PMVK: variants seen among roughly 807,000 people sequenced by gnomAD.
PMVK encodes the protein testis tissue sperm-binding protein Li 95mP.
PMVK carries 10 observed loss-of-function variants against 19.0 expected under a neutral mutation model. That is an observed-to-expected ratio of 0.53 (90% CI 0.32 to 0.89). The LOEUF is 0.89. PMVK is among the 40% of genes least tolerant of loss of function. The probability of loss-of-function intolerance (pLI) is 0.03; values close to 1 mark genes in which losing one functional copy is unlikely to be tolerated. For missense variants in PMVK, 222 were observed against 251.1 expected, an observed-to-expected ratio of 0.88 and a Z score of 0.78; for synonymous variants, 108 against 101.6, an observed-to-expected ratio of 1.06 and a Z score of -0.38.
chr1:154,934,705 C>G (rs953301099), intron 1 of PMVK, among the ~76,000 whole-genome samples: 1 of 152,146 alleles, frequency 6.6e-6, no homozygotes, highest in African/African-American at 2.4e-5. Flanking sequence ...GCCCTTCACA[C>G]ACATTATCTC....
At chr1:154,926,292 G>A in intron 4 of PMVK, 62 bp downstream of exon 4, 1 of 1,540,248 alleles carries the variant, frequency 6.5e-7, no homozygotes, top group Non-Finnish European at 8.9e-7. Context: ...GGCCTGCCCG[G>A]TAGACAAACC....
At chr1:154,939,183 C>T (rs1439869181), upstream of PMVK, among the ~76,000 whole-genome samples, 1 of 152,174 alleles carries the variant, frequency 6.6e-6, no homozygotes, top group Non-Finnish European at 1.5e-5. Flanking sequence ...CCCTCTCCTC[C>T]TCAGAGGCCA....
intron 4 of PMVK, 62 bp from the exon 5 acceptor site, chr1:154,925,327 C>A (rs1654116765): frequency 1.3e-6 from 2 of 1,573,178 alleles, no homozygotes; most frequent in South Asian, 2.2e-5. Flanking sequence ...GGCATCAAGG[C>A]CTGCTAACCC....
upstream of PMVK, among the ~76,000 whole-genome samples, chr1:154,941,092 G>A (rs947949238): frequency 6.8e-4 from 104 of 152,356 alleles, no homozygotes; most frequent in African/African-American, 2.4e-3. Flanking sequence ...GGTGGGCAGC[G>A]GTGGAGACCG....
At chr1:154,932,270 A>G (rs983117073) in intron 2 of PMVK, 82 bp downstream of exon 2, 1 of 986,564 alleles carries the variant, frequency 1.0e-6, no homozygotes, top group African/African-American at 1.6e-5. Context: ...GAATCATGCC[A>G]GTGACTCAGG....
chr1:154,938,415 C>T (rs763972503), upstream of PMVK, among the ~76,000 whole-genome samples: 19 of 152,136 alleles, frequency 1.2e-4, no homozygotes, highest in Non-Finnish European at 2.4e-4. Context: ...CATGGTGAAA[C>T]CCCATCTCTA....
rs753225992 is a variant in PMVK, at chr1:154,926,358, C to T, written c.438G>A (p.Thr146=). ...CCTACACATAGAGTGGCTCACCTGG[C>T]GTGAACACCCAGCCCCGCTGCTGTC... ...QSRQQRGWVF[T]PGVDDAESEC... The change falls in exon 4 of 5, where the codon ACG becomes ACA. Residue 146 remains threonine (T), a synonymous_variant. Coordinates refer to ENST00000368467, the MANE Select transcript of PMVK (RefSeq NM_006556.4). 34 of 1,612,650 alleles carry T rather than the reference C, an allele frequency of 2.1e-5. No homozygotes were observed. Among genetic ancestry groups the T allele is most frequent in the South Asian group, 2.2e-5 (2 of 90,860 alleles).
At chr1:154,931,166 C>T (rs1457850341) in intron 2 of PMVK, among the ~76,000 whole-genome samples, 1 of 152,180 alleles carries the variant, frequency 6.6e-6, no homozygotes, top group Non-Finnish European at 1.5e-5. Context: ...TAGGTCTGTT[C>T]AGCTGGTGAG....
intron 3 of PMVK, among the ~76,000 whole-genome samples, chr1:154,928,260 A>C (rs1252915721): frequency 6.6e-6 from 1 of 152,222 alleles, no homozygotes; most frequent in African/African-American, 2.4e-5. Flanking sequence ...GGGCATGTGC[A>C]AAGGCCCTGA....
intron 4 of PMVK, 61 bp downstream of exon 4, chr1:154,926,293 T>C: frequency 6.5e-7 from 1 of 1,546,554 alleles, no homozygotes; most frequent in Non-Finnish European, 8.8e-7. Flanking sequence ...GCCTGCCCGG[T>C]AGACAAACCA....
chr1:154,939,860 C>T (rs2101977688), upstream of PMVK, among the ~76,000 whole-genome samples: 1 of 152,168 alleles, frequency 6.6e-6, no homozygotes, highest in East Asian at 1.9e-4. Flanking sequence ...ATGTCCTGGG[C>T]TCAAGCAATC....
intron 1 of PMVK, among the ~76,000 whole-genome samples, chr1:154,933,391 C>T (rs950056738): frequency 6.6e-6 from 1 of 151,248 alleles, no homozygotes; most frequent in Non-Finnish European, 1.5e-5. Flanking sequence ...CGAGATCGCC[C>T]CATTGCACTC....
intron 2 of PMVK, among the ~76,000 whole-genome samples, chr1:154,930,000 C>T (rs980304813): frequency 2.6e-5 from 4 of 152,282 alleles, no homozygotes; most frequent in Non-Finnish European, 4.4e-5. Context: ...CCTCCAGGAG[C>T]GTTGTGGTCT....
At position 154,925,052 on chromosome 1, in the gene PMVK, CG is replaced by C; in HGVS notation, c.*76del. Reference sequence around the variant, plus strand: ...GTCTGTTCCTCACCTCGGCCAGGATCGGGGGACACCCCCATTTTGCAGAGTC... The same window carrying C: ...GTCTGTTCCTCACCTCGGCCAGGATCGGGGACACCCCCATTTTGCAGAGTC... On this transcript the variant is annotated 3_prime_UTR_variant, in exon 5 of 5. Transcript: ENST00000368467. 7.5e-7 allele frequency: 1 copy of C among 1,334,618 alleles called. No individual in the cohort carries two copies. The allele number at this position is 1,334,618 out of a possible 1,614,324, so 82.7% of individuals were successfully genotyped here.
In PMVK at chr1:154,924,916, G is replaced by A. The variant is rs2101964066; in HGVS notation, c.*213C>T. ...GCCAAGACACCCTCCTTTGCCCTTGGAGTCTCCTCCTGAAGAGCATGGCTG... is the reference window on the plus strand; with the variant it reads ...GCCAAGACACCCTCCTTTGCCCTTGAAGTCTCCTCCTGAAGAGCATGGCTG... On this transcript the variant is annotated 3_prime_UTR_variant, in exon 5 of 5. Coordinates refer to ENST00000368467, the MANE Select transcript of PMVK (RefSeq NM_006556.4). 1.7e-6 allele frequency: 1 copy of A among 579,702 alleles called. No individual in the cohort carries two copies. The highest frequency in any genetic ancestry group is 3.1e-6 in the Non-Finnish European group (1 of 324,590). The allele number at this position is 579,702 out of a possible 1,614,324, so 35.9% of individuals were successfully genotyped here.
intron 1 of PMVK, among the ~76,000 whole-genome samples, chr1:154,933,927 G>A (rs567884874): frequency 1.3e-5 from 2 of 152,240 alleles, no homozygotes; most frequent in East Asian, 3.9e-4. Flanking sequence ...TTTGGATCTA[G>A]GTGATACAAA....
At chr1:154,926,993 C>T (rs1654184151) in intron 3 of PMVK, among the ~76,000 whole-genome samples, 1 of 152,124 alleles carries the variant, frequency 6.6e-6, no homozygotes, top group South Asian at 2.1e-4. Flanking sequence ...TATATTTGTC[C>T]ACCTGCTCAG....
chr1:154,936,752 G>T, upstream of PMVK: 2 of 1,372,432 alleles, frequency 1.5e-6, no homozygotes, highest in Non-Finnish European at 2.0e-6. Flanking sequence ...GGGACACCGC[G>T]CGGAATGGAC....
At chr1:154,942,527 G>A in the PMVK span, among the ~76,000 whole-genome samples, 3 of 152,360 alleles carry the variant, frequency 2.0e-5, no homozygotes, top group East Asian at 5.8e-4. Flanking sequence ...CAGAGAGAGG[G>A]CGATCAGAGC....
Sources: allele counts gnomAD v4.1 joint callset (sites outside exome capture counted in the v4.1 genomes callset), GRCh38; gene constraint gnomAD v4.1.1; transcripts MANE v1.5; gene names NCBI Gene and HGNC (gene_info 2026-07-23, HGNC 2026-07-21).